Variants in NAALAD2 observed in about 807,000 individuals in gnomAD.
The protein encoded by NAALAD2 is N-acetylated-alpha-linked acidic dipeptidase 2.
A neutral mutation model predicts 95.6 loss-of-function variants in NAALAD2; 89 were observed. The observed-to-expected ratio is 0.93, with a 90% CI of 0.78 to 1.11. The LOEUF (loss-of-function observed/expected upper bound fraction) is 1.11. NAALAD2 is among the 50% of genes least tolerant of loss of function. The pLI, the probability that NAALAD2 is intolerant of heterozygous loss-of-function variation, is 0.00. For missense variants in NAALAD2, 894 were observed against 872.4 expected, an observed-to-expected ratio of 1.02 and a Z score of -0.31; for synonymous variants, 264 against 294.4, an observed-to-expected ratio of 0.90 and a Z score of 1.06.
chr11:90,159,966 A>C (rs1321859729), intron 8 of NAALAD2, among the ~76,000 whole-genome samples: 2 of 151,602 alleles, frequency 1.3e-5, no homozygotes, highest in Non-Finnish European at 1.5e-5. Context: ...AAAAAAAAAA[A>C]AAAAAAAAAA....
At position 90,135,596 on chromosome 11, in the gene NAALAD2, T is replaced by C; in HGVS notation, c.120T>C (p.Ser40=). 1.9e-6 allele frequency: 3 copies of C among 1,613,386 alleles called. No homozygotes were observed. Among genetic ancestry groups the C allele is most frequent in the South Asian group, 2.2e-5 (2 of 90,982 alleles). The stretch of plus-strand genomic sequence containing the variant: ...AGCCTCTCAAAGAAACGACCACTTC[T>C]GTGCGCTATCATCAAAGTATACGGT... ...FIKPLKETTT[S]VRYHQSIRWK... Residue 40 remains serine (S), a synonymous_variant, in exon 2 of 19, where the codon TCT becomes TCC. Coordinates refer to ENST00000534061, the MANE Select transcript of NAALAD2 (RefSeq NM_005467.4).
At chr11:90,168,843 T>A in intron 11 of NAALAD2, 86 bp from the exon 12 acceptor site, 1 of 1,119,846 alleles carries the variant, frequency 8.9e-7, no homozygotes, top group Non-Finnish European at 1.3e-6. Context: ...TGTAAACCGC[T>A]TTTCCACGAA....
chr11:90,163,684 A>C, intron 11 of NAALAD2, 67 bp downstream of exon 11: 9 of 1,378,126 alleles, frequency 6.5e-6, no homozygotes, highest in Non-Finnish European at 9.3e-6. Context: ...TATGTGTCTC[A>C]GGATGATCAA....
At chr11:90,155,813 A>ATG (rs1329741530) in intron 6 of NAALAD2, among the ~76,000 whole-genome samples, 1 of 127,998 alleles carries the variant, frequency 7.8e-6, no homozygotes, top group South Asian at 2.3e-4. Context: ...TATATAATAT[A>ATG]TAATATATAT....
At chr11:90,183,076 A>T in intron 18 of NAALAD2, 68 bp downstream of exon 18, 7 of 1,155,442 alleles carry the variant, frequency 6.1e-6, no homozygotes, top group Non-Finnish European at 9.1e-6. Context: ...TTGGCTTTAA[A>T]CTAATGCCAT....
In NAALAD2 at chr11:90,165,299, A is replaced by G. The variant is rs569352906; in HGVS notation, c.1278+1682A>G. Among the ~76,000 whole-genome samples, 26 of 152,318 alleles carry G rather than the reference A, an allele frequency of 1.7e-4. No homozygotes were observed. The East Asian group carries it at 4.6e-3, about 27-fold the overall frequency. ...TGAACATATGTGTGTATGTGTCTTT[A>G]TAATAGAATGATATATTTCTTTGGT... On this transcript the variant is annotated intron_variant, in intron 11 of 18. Transcript: ENST00000534061.
chr11:90,159,575 CAA>C (rs1290715484), intron 8 of NAALAD2, among the ~76,000 whole-genome samples: 1 of 152,080 alleles, frequency 6.6e-6, no homozygotes, highest in Non-Finnish European at 1.5e-5. Flanking sequence ...TTTAACATTT[CAA>C]AGATTTTTCA....
chr11:90,143,115 T>C (rs1216041832), intron 2 of NAALAD2, among the ~76,000 whole-genome samples: 1 of 152,162 alleles, frequency 6.6e-6, no homozygotes, highest in South Asian at 2.1e-4. Context: ...CATGTATATG[T>C]ATTGTAAACC....
intron 15 of NAALAD2, 45 bp downstream of exon 15, chr11:90,176,107 T>A: frequency 6.9e-7 from 1 of 1,458,668 alleles, no homozygotes; most frequent in Non-Finnish European, 9.6e-7. Flanking sequence ...TCATCTACAG[T>A]CCTTTGGCGA....
In NAALAD2 at chr11:90,170,346, CTTA is replaced by C. The variant is rs1457249128; in HGVS notation, c.1410+214_1410+216del. 3.3e-5 allele frequency among the ~76,000 whole-genome samples: 5 copies of C among 152,224 alleles called. No individual in the cohort carries two copies. The South Asian group carries it at 6.2e-4, about 19-fold the overall frequency. ...CAGCTTCTTTGTTCTAGCAATAGTT[CTTA>C]TTAATAATTGTGTAAATAGTTGTAA... On this transcript the variant is annotated intron_variant, in intron 13 of 18. Coordinates refer to ENST00000534061, the MANE Select transcript of NAALAD2 (RefSeq NM_005467.4).
At chr11:90,188,193 G>A (rs1372634547) in intron 18 of NAALAD2, among the ~76,000 whole-genome samples, 1 of 152,142 alleles carries the variant, frequency 6.6e-6, no homozygotes, top group Non-Finnish European at 1.5e-5. Context: ...AGTTCACTAT[G>A]TACAGAGAAA....
intron 5 of NAALAD2, among the ~76,000 whole-genome samples, chr11:90,151,740 T>C (rs1280937993): frequency 6.6e-6 from 1 of 152,168 alleles, no homozygotes; most frequent in African/African-American, 2.4e-5. Flanking sequence ...AGGGTACATT[T>C]TCCTATTTTT....
chr11:90,176,079 T>G lies in NAALAD2; in HGVS notation c.1593+17T>G, dbSNP rs780750918. On this transcript the variant is annotated intron_variant, in intron 15 of 18. Coordinates refer to ENST00000534061, the MANE Select transcript of NAALAD2 (RefSeq NM_005467.4). ...AAGAATAAGGTAAGCCATTTTATCATTTTGAATATATAACATTTCATCTAC... is the reference window on the plus strand; with the variant it reads ...AAGAATAAGGTAAGCCATTTTATCAGTTTGAATATATAACATTTCATCTAC... 4 of 1,581,612 alleles carry G rather than the reference T, an allele frequency of 2.5e-6. No individual in the cohort carries two copies. The highest frequency in any genetic ancestry group is 3.5e-6 in the Non-Finnish European group (4 of 1,151,008).
chr11:90,183,023 G>T lies in NAALAD2; in HGVS notation c.2033+15G>T, dbSNP rs747639459. ...CTGTTCTATAGGTAAGGAAACAACA[G>T]GCGCCAAATACATCACTGTGACCAA... On this transcript the variant is annotated intron_variant, in intron 18 of 18. Transcript: ENST00000534061. The T allele has an allele frequency of 6.3e-7, 1 of 1,589,344 alleles. No individual in the cohort carries two copies. Among genetic ancestry groups the T allele is most frequent in the South Asian group, 1.1e-5 (1 of 90,328 alleles).
chr11:90,140,558 A>G (rs10765250), intron 2 of NAALAD2, among the ~76,000 whole-genome samples: 58,387 of 151,668 alleles, frequency 0.38, 11,362 homozygotes, highest in South Asian at 0.49. Flanking sequence ...AAATTCATAT[A>G]TAAGTGGACC....
intron 2 of NAALAD2, among the ~76,000 whole-genome samples, chr11:90,136,535 T>A (rs1325197111): frequency 6.6e-6 from 1 of 152,224 alleles, no homozygotes; most frequent in Non-Finnish European, 1.5e-5. Context: ...AATGGAATCA[T>A]ATAGTATATG....
intron 4 of NAALAD2, among the ~76,000 whole-genome samples, chr11:90,149,905 A>G (rs755528941): frequency 1.3e-5 from 2 of 152,142 alleles, no homozygotes; most frequent in African/African-American, 2.4e-5. Flanking sequence ...TATTTACTCT[A>G]TTCCCTGTGG....
intron 8 of NAALAD2, 126 bp downstream of exon 8, chr11:90,159,463 T>G (rs1259224258): frequency 1.6e-6 from 1 of 635,140 alleles, no homozygotes; most frequent in Non-Finnish European, 2.7e-6. Context: ...CCATTTTACA[T>G]TACTTAAGAA....
chr11:90,166,553 T>C (rs956230806), intron 11 of NAALAD2, among the ~76,000 whole-genome samples: 1 of 152,198 alleles, frequency 6.6e-6, no homozygotes, highest in Non-Finnish European at 1.5e-5. Flanking sequence ...AAATACAGAT[T>C]GGCTGGGCGC....
Sources: allele counts gnomAD v4.1 joint callset (sites outside exome capture counted in the v4.1 genomes callset), GRCh38; gene constraint gnomAD v4.1.1; transcripts MANE v1.5; gene names NCBI Gene and HGNC (gene_info 2026-07-23, HGNC 2026-07-21).